ADAMTS17: variants seen among roughly 807,000 people sequenced by gnomAD.
ADAMTS17 encodes A disintegrin and metalloproteinase with thrombospondin motifs 17.
Under a neutral mutation model 141.5 loss-of-function variants are expected in ADAMTS17, and 113 were observed. The ratio of observed to expected loss-of-function variants is 0.80; its 90% CI spans 0.69 to 0.93. The LOEUF is 0.93. ADAMTS17 is among the 40% of genes least tolerant of loss of function. The pLI is 0.00. For missense variants in ADAMTS17, 1,659 were observed against 1,517.9 expected (o/e 1.09, Z -1.54); for synonymous variants, 768 against 630.6 (o/e 1.22, Z -3.27).
chr15:100,257,810 T>C (rs2043376945), intron 6 of ADAMTS17, among the ~76,000 whole-genome samples: 1 of 152,250 alleles, frequency 6.6e-6, no homozygotes, highest in Non-Finnish European at 1.5e-5. Context: ...AGCTCAGTAA[T>C]GTTAACTAAA....
intron 18 of ADAMTS17, among the ~76,000 whole-genome samples, chr15:100,034,380 C>G (rs187132262): frequency 1.1e-3 from 166 of 152,346 alleles, no homozygotes; most frequent in African/African-American, 2.9e-3. Context: ...CTGTGGGAGG[C>G]AGTGCTGTGA....
intron 7 of ADAMTS17, 46 bp downstream of exon 7, chr15:100,254,090 C>T (rs1567435257): frequency 1.3e-6 from 2 of 1,583,966 alleles, no homozygotes; most frequent in Non-Finnish European, 1.7e-6. Flanking sequence ...CAGATTCTCC[C>T]AGGGTGTATC....
At chr15:100,150,879 C>T (rs2039129363) in intron 10 of ADAMTS17, among the ~76,000 whole-genome samples, 1 of 152,188 alleles carries the variant, frequency 6.6e-6, no homozygotes, top group Admixed American at 6.5e-5. Flanking sequence ...CAATCTCATG[C>T]TGTCTCCACA....
In ADAMTS17 at chr15:99,998,464, C is replaced by T. The variant is rs1210257695; in HGVS notation, c.2592-875G>A. On this transcript the variant is annotated intron_variant, in intron 18 of 21. Transcript: ENST00000268070. The stretch of plus-strand genomic sequence containing the variant: ...CTAAAAATACACAAAATTATCCAGG[C>T]GTGGTGGTGCACGCCTGTAGTCCCA... 3.3e-5 allele frequency among the ~76,000 whole-genome samples: 5 copies of T among 152,172 alleles called. No individual in the cohort carries two copies. The East Asian group carries it at 5.8e-4, about 18-fold the overall frequency.
Position 100,276,820 on chromosome 15 carries a change from G to A in ADAMTS17, c.789+4409C>T, listed in dbSNP as rs559643965. ...TTAAAGGTTATCTCACTTGCTAACG[G>A]AAAGCCCTTTTCTAAAACAGCCGCA... On this transcript the variant is annotated intron_variant, in intron 4 of 21. Coordinates refer to ENST00000268070, the MANE Select transcript of ADAMTS17 (RefSeq NM_139057.4). Among the ~76,000 whole-genome samples the A allele has an allele frequency of 8.5e-5, 13 of 152,272 alleles. No homozygotes were observed. The East Asian group carries it at 2.5e-3, about 29-fold the overall frequency.
At chr15:99,981,019 C>T (rs1346324785) in intron 20 of ADAMTS17, among the ~76,000 whole-genome samples, 1 of 152,194 alleles carries the variant, frequency 6.6e-6, no homozygotes, top group Non-Finnish European at 1.5e-5. Flanking sequence ...GGGCTGATGC[C>T]GGCCACTGAG....
intron 18 of ADAMTS17, among the ~76,000 whole-genome samples, chr15:100,006,708 C>T (rs1297606324): frequency 1.3e-5 from 2 of 152,226 alleles, no homozygotes; most frequent in East Asian, 3.8e-4. Context: ...CTGGTATCGA[C>T]TGAGTGTCTA....
intron 8 of ADAMTS17, among the ~76,000 whole-genome samples, chr15:100,179,010 T>A (rs1479685862): frequency 6.6e-6 from 1 of 152,172 alleles, no homozygotes; most frequent in Non-Finnish European, 1.5e-5. Flanking sequence ...ATGGGGTGCA[T>A]GAGATATTTT....
chr15:99,994,800 G>C (rs956393501), intron 19 of ADAMTS17, among the ~76,000 whole-genome samples: 1 of 152,190 alleles, frequency 6.6e-6, no homozygotes, highest in Non-Finnish European at 1.5e-5. Context: ...CTCCTGACTC[G>C]TGATCCACCC....
chr15:100,283,236 G>C (rs913112291), intron 3 of ADAMTS17, among the ~76,000 whole-genome samples: 4 of 152,208 alleles, frequency 2.6e-5, no homozygotes, highest in African/African-American at 9.7e-5. Flanking sequence ...CTCCCCTGAA[G>C]CCTTCCGGGC....
In ADAMTS17 at chr15:100,188,393, TA is replaced by T. The variant is rs532563731; in HGVS notation, c.1181+10924del. Reference sequence around the variant, plus strand: ...CGCCCGGCCACGAAGCCCTGTCTCTTAAAAAAAAAAAAACAAGAACACACAC... The same window carrying T: ...CGCCCGGCCACGAAGCCCTGTCTCTTAAAAAAAAAAAACAAGAACACACAC... On this transcript the variant is annotated intron_variant, in intron 8 of 21. Coordinates refer to ENST00000268070, the MANE Select transcript of ADAMTS17 (RefSeq NM_139057.4). Among the ~76,000 whole-genome samples, 475 of 142,812 alleles carry T rather than the reference TA, an allele frequency of 3.3e-3. 2 individuals are homozygous for T. The highest frequency in any genetic ancestry group is 0.013 in the East Asian group (65 of 4,970). The allele number at this position is 142,812 out of a possible 152,430, so 93.7% of individuals were successfully genotyped here.
At chr15:100,245,581 A>G (rs2042962200) in intron 7 of ADAMTS17, among the ~76,000 whole-genome samples, 1 of 152,250 alleles carries the variant, frequency 6.6e-6, no homozygotes, top group Admixed American at 6.5e-5. Flanking sequence ...TATTTCAGCC[A>G]TTATGTAACC....
chr15:100,073,740 A>T (rs1472898937), intron 15 of ADAMTS17, among the ~76,000 whole-genome samples: 1 of 116,464 alleles, frequency 8.6e-6, no homozygotes, highest in Non-Finnish European at 1.7e-5. Flanking sequence ...AGGAAGGGGA[A>T]CATCACACAC....
intron 17 of ADAMTS17, among the ~76,000 whole-genome samples, chr15:100,050,027 G>C (rs1176838452): frequency 6.6e-6 from 1 of 152,134 alleles, no homozygotes; most frequent in African/African-American, 2.4e-5. Context: ...TTGGATCCTG[G>C]GCTCCCTGCT....
At chr15:100,218,506 A>G (rs1330552946) in intron 7 of ADAMTS17, among the ~76,000 whole-genome samples, 4 of 152,242 alleles carry the variant, frequency 2.6e-5, no homozygotes, top group African/African-American at 4.8e-5. Context: ...CATTAGAGAA[A>G]GGCAAATCAA....
intron 8 of ADAMTS17, among the ~76,000 whole-genome samples, chr15:100,198,686 T>C (rs2041211134): frequency 6.6e-6 from 1 of 152,214 alleles, no homozygotes; most frequent in Admixed American, 6.5e-5. Context: ...TTTCTGCCGC[T>C]TGAGGCTTCC....
At chr15:100,284,523 G>A (rs373275948) in intron 3 of ADAMTS17, among the ~76,000 whole-genome samples, 5 of 152,282 alleles carry the variant, frequency 3.3e-5, no homozygotes, top group East Asian at 1.9e-4. Context: ...GCAAGAGACC[G>A]TGGACTTGCA....
At chr15:100,333,194 T>C (rs1221413355) in intron 2 of ADAMTS17, among the ~76,000 whole-genome samples, 1 of 152,214 alleles carries the variant, frequency 6.6e-6, no homozygotes, top group Admixed American at 6.5e-5. Flanking sequence ...CCCCATGTTA[T>C]AGGACCTTTT....
intron 18 of ADAMTS17, among the ~76,000 whole-genome samples, chr15:100,007,360 G>C (rs900807650): frequency 6.6e-6 from 1 of 152,162 alleles, no homozygotes; most frequent in African/African-American, 2.4e-5. Context: ...CAGAGGGCAA[G>C]ATGATGGCTT....
Sources: allele counts gnomAD v4.1 joint callset (sites outside exome capture counted in the v4.1 genomes callset), GRCh38; gene constraint gnomAD v4.1.1; transcripts MANE v1.5; gene names NCBI Gene and HGNC (gene_info 2026-07-23, HGNC 2026-07-21).